The following RBFOX2 variants were observed in gnomAD, a reference collection of about 807,000 sequenced individuals.
RBFOX2 encodes the protein RNA binding fox-1 homolog 2.
Under a neutral mutation model 49.1 loss-of-function variants are expected in RBFOX2, and 10 were observed. That is an observed-to-expected ratio of 0.20 (90% CI 0.13 to 0.35). The LOEUF (loss-of-function observed/expected upper bound fraction) is 0.35, where lower values mean the gene tolerates loss of function less well. Ranked by LOEUF, RBFOX2 falls within the 10% of genes least tolerant of loss-of-function variation. The probability of loss-of-function intolerance (pLI) is 1.00; values close to 1 mark genes in which losing one functional copy is unlikely to be tolerated. For synonymous variants in RBFOX2, 183 were observed against 187.4 expected (o/e 0.98, Z 0.19); for missense variants, 323 against 486.9 (o/e 0.66, Z 3.17).
At chr22:35,800,702 T>G (rs537921273) in intron 2 of RBFOX2, among the ~76,000 whole-genome samples, 1 of 152,274 alleles carries the variant, frequency 6.6e-6, no homozygotes, top group African/African-American at 2.4e-5. Context: ...TACCTAGTTT[T>G]TTTTTTTTCC....
intron 1 of RBFOX2, among the ~76,000 whole-genome samples, chr22:35,852,857 T>C (rs933116593): frequency 5.9e-5 from 9 of 152,230 alleles, no homozygotes; most frequent in South Asian, 2.1e-4. Flanking sequence ...AAGACTGTAA[T>C]TCAAATCCTA....
chr22:35,871,838 G>A (rs939096732), intron 1 of RBFOX2, among the ~76,000 whole-genome samples: 13 of 152,278 alleles, frequency 8.5e-5, no homozygotes, highest in African/African-American at 3.1e-4. Context: ...TTTAACCCCT[G>A]GTACATGGGT....
Position 36,026,549 on chromosome 22 carries a change from C to T in RBFOX2, c.186+1691G>A, listed in dbSNP as rs112603533. On this transcript the variant is annotated intron_variant, in intron 1 of 13. Transcript: ENST00000438146. ...AATGATAAATGAATACATACACACA[C>T]ACACACACACACACACACACACACC... is the stretch of plus-strand genomic sequence containing the variant. 6.6e-3 allele frequency among the ~76,000 whole-genome samples: 855 copies of T among 130,156 alleles called. 5 individuals carry two copies. The highest frequency in any genetic ancestry group is 0.029 in the African/African-American group (725 of 25,104). The allele number at this position is 130,156 out of a possible 152,430, so 85.4% of individuals were successfully genotyped here.
At chr22:35,791,161 G>A (rs1380500567) in intron 2 of RBFOX2, among the ~76,000 whole-genome samples, 2 of 152,178 alleles carry the variant, frequency 1.3e-5, no homozygotes, top group East Asian at 1.9e-4. Flanking sequence ...GAGGTGGGTG[G>A]ATTACCTGAG....
In RBFOX2 at chr22:35,759,932, A is replaced by G. The variant is rs781593715; in HGVS notation, c.843T>C (p.Gly281=). Residue 281 remains glycine (G), a synonymous_variant, in exon 9 of 12, where the codon GGT becomes GGC. Coordinates refer to ENST00000405409, the Ensembl canonical transcript of RBFOX2. The surrounding 1 kb of genome is among the most constrained non-coding windows in gnomAD (Gnocchi z 4.6). ...CTGTTGGAGGTACCGCTCGGACTGCACCATATACTGTCCGCCCTCTGCCCC... is the reference window on the plus strand; with the variant it reads ...CTGTTGGAGGTACCGCTCGGACTGCGCCATATACTGTCCGCCCTCTGCCCC... The G allele has an allele frequency of 6.2e-7, 1 of 1,613,758 alleles. No individual in the cohort carries two copies. The highest frequency in any genetic ancestry group is 8.5e-7 in the Non-Finnish European group (1 of 1,180,028).
chr22:35,759,595 T>G lies in RBFOX2; in HGVS notation c.887+293A>C, dbSNP rs1473953957. Among the ~76,000 whole-genome samples the G allele has an allele frequency of 6.6e-6, 1 of 152,196 alleles. No homozygotes were observed. The highest frequency in any genetic ancestry group is 1.5e-5 in the Non-Finnish European group (1 of 68,032). On this transcript the variant is annotated intron_variant, in intron 9 of 11. Transcript: ENST00000405409. This position sits in a 1 kb window ranked among gnomAD's most constrained non-coding sequence, Gnocchi z 4.6. ...CATATTCGTGCGCTTCTGAGTGAAC[T>G]TCATGCCAACACACTGCTAGTAAAC...
intron 1 of RBFOX2, among the ~76,000 whole-genome samples, chr22:35,957,847 A>C (rs1200690283): frequency 1.3e-5 from 2 of 152,344 alleles, no homozygotes; most frequent in East Asian, 3.9e-4. Context: ...GTGAATACTC[A>C]TTATGACTAA....
chr22:35,985,240 C>T (rs1057497791), intron 1 of RBFOX2, among the ~76,000 whole-genome samples: 2 of 152,144 alleles, frequency 1.3e-5, no homozygotes, highest in African/African-American at 4.8e-5. Context: ...AAGTAAAATA[C>T]TAGTAGAAAT....
At chr22:35,959,754 T>C (rs546270972) in intron 1 of RBFOX2, among the ~76,000 whole-genome samples, 10 of 152,326 alleles carry the variant, frequency 6.6e-5, no homozygotes, top group African/African-American at 1.9e-4. Context: ...CTTGATTCAG[T>C]AGTGTCTGGA....
At chr22:35,836,200 A>G (rs996180012) in intron 1 of RBFOX2, 1 of 152,290 alleles carries the variant, frequency 6.6e-6, no homozygotes, top group African/African-American at 2.4e-5. Context: ...GGACCTCCAG[A>G]ATTCAAAGAA....
exon 1 of RBFOX2, among the ~76,000 whole-genome samples, chr22:36,028,749 C>G (rs1479226488): frequency 6.6e-6 from 1 of 151,838 alleles, no homozygotes; most frequent in African/African-American, 2.4e-5. Context: ...CTCGCACTCC[C>G]GGAGCTCGCC....
chr22:35,741,870 C>T (rs1930127004), exon 12 of RBFOX2: 1 of 152,556 alleles, frequency 6.6e-6, no homozygotes, highest in South Asian at 2.1e-4. Flanking sequence ...ACTCATTCTC[C>T]TATTCTCCCC....
chr22:36,027,944 A>C (rs1274312727), intron 1 of RBFOX2, among the ~76,000 whole-genome samples: 1 of 152,064 alleles, frequency 6.6e-6, no homozygotes, highest in Non-Finnish European at 1.5e-5. Flanking sequence ...CTAAGGAAGG[A>C]TTTGAAAAAA....
At chr22:35,877,955 C>T (rs1353907439) in intron 1 of RBFOX2, among the ~76,000 whole-genome samples, 1 of 151,506 alleles carries the variant, frequency 6.6e-6, no homozygotes, top group East Asian at 1.9e-4. Flanking sequence ...AGCGAATACA[C>T]CAGACAAAAA....
In RBFOX2 at chr22:35,845,925, G is replaced by A. The variant is rs572749007; in HGVS notation, c.-33-35921C>T. Among the ~76,000 whole-genome samples the A allele has an allele frequency of 1.2e-4, 18 of 151,854 alleles. 1 individual carries two copies. The South Asian group carries it at 3.5e-3, about 30-fold the overall frequency. The stretch of plus-strand genomic sequence containing the variant: ...TGGCATAGTATCTGGCACACAGTAG[G>A]TACTCAAAAAACAGTTGGTACACAA... On this transcript the variant is annotated intron_variant, in intron 1 of 13. Transcript: ENST00000359369.
intron 1 of RBFOX2, among the ~76,000 whole-genome samples, chr22:35,900,039 G>T (rs1342009274): frequency 6.6e-6 from 1 of 152,186 alleles, no homozygotes; most frequent in Non-Finnish European, 1.5e-5. Flanking sequence ...TTTGCAATGT[G>T]AGTCTGGTGG....
chr22:35,962,462 G>A (rs2056289410), upstream of RBFOX2, among the ~76,000 whole-genome samples: 1 of 152,082 alleles, frequency 6.6e-6, no homozygotes, highest in South Asian at 2.1e-4. Context: ...TGTGTCAAAG[G>A]GACTGAATCA....
chr22:35,885,029 GCA>G (rs948260659), intron 1 of RBFOX2, among the ~76,000 whole-genome samples: 7 of 152,018 alleles, frequency 4.6e-5, no homozygotes, highest in African/African-American at 1.7e-4. Flanking sequence ...AATATTATCT[GCA>G]AACATCCAAT....
At position 35,759,650 on chromosome 22, in the gene RBFOX2, C is replaced by T. The variant is rs552594041; in HGVS notation, c.887+238G>A. Reference sequence around the variant, plus strand: ...GACGGTTCTGGCTACTGTCTTAAGCCATTACCATGAGGGCTTAAGGTGGCC... The same window carrying T: ...GACGGTTCTGGCTACTGTCTTAAGCTATTACCATGAGGGCTTAAGGTGGCC... On this transcript the variant is annotated intron_variant, in intron 9 of 11. Coordinates refer to ENST00000405409, the Ensembl canonical transcript of RBFOX2. This position sits in a 1 kb window ranked among gnomAD's most constrained non-coding sequence, Gnocchi z 4.6. Among the ~76,000 whole-genome samples, 309 of 152,268 alleles carry T rather than the reference C, an allele frequency of 2.0e-3. 5 individuals carry two copies. The highest frequency in any genetic ancestry group is 6.2e-4 in the South Asian group (3 of 4,832).
Sources: allele counts gnomAD v4.1 joint callset (sites outside exome capture counted in the v4.1 genomes callset), GRCh38; gene constraint gnomAD v4.1.1; non-coding constraint Gnocchi (gnomAD v3.1); transcripts MANE v1.5; gene names NCBI Gene and HGNC (gene_info 2026-07-23, HGNC 2026-07-21).